GRIN3A: variants seen among roughly 807,000 people sequenced by gnomAD.
The protein encoded by GRIN3A is glutamate ionotropic receptor NMDA type subunit 3A, also known as glutamate receptor ionotropic, NMDA 3A.
A neutral mutation model predicts 92.4 loss-of-function variants in GRIN3A; 47 were observed. The ratio of observed to expected loss-of-function variants is 0.51; its 90% CI spans 0.40 to 0.65. The LOEUF (loss-of-function observed/expected upper bound fraction) is 0.65, where lower values mean the gene tolerates loss of function less well. Ranked by LOEUF, GRIN3A falls within the 30% of genes least tolerant of loss-of-function variation. The probability of loss-of-function intolerance (pLI) is 0.00; values close to 1 mark genes in which losing one functional copy is unlikely to be tolerated. For missense variants in GRIN3A, 1,324 were observed against 1,393.1 expected (o/e 0.95, Z 0.79); for synonymous variants, 527 against 540.6 (o/e 0.97, Z 0.35).
At chr9:101,649,273 C>T (rs1403321957) in intron 3 of GRIN3A, among the ~76,000 whole-genome samples, 2 of 131,144 alleles carry the variant, frequency 1.5e-5, no homozygotes, top group African/African-American at 3.0e-5. Flanking sequence ...GTTTGGGCCT[C>T]CCTGCCTATT....
chr9:101,659,706 C>T (rs1829146420), intron 3 of GRIN3A, among the ~76,000 whole-genome samples: 1 of 151,724 alleles, frequency 6.6e-6, no homozygotes, highest in Admixed American at 6.6e-5. Context: ...AAAAATTTGA[C>T]ATATTCTCTG....
At chr9:101,588,193 A>C (rs868641316) in intron 6 of GRIN3A, among the ~76,000 whole-genome samples, 56 of 152,326 alleles carry the variant, frequency 3.7e-4, no homozygotes, top group African/African-American at 1.3e-3. Flanking sequence ...AATCATGAAG[A>C]GGGAGAAAAA....
chr9:101,723,021 C>T (rs1483517717), intron 1 of GRIN3A, among the ~76,000 whole-genome samples: 5 of 152,140 alleles, frequency 3.3e-5, no homozygotes, highest in Non-Finnish European at 7.3e-5. Flanking sequence ...CAAATCTCAA[C>T]TTGAATTGTA....
At chr9:101,590,279 C>T (rs2118805028) in intron 6 of GRIN3A, among the ~76,000 whole-genome samples, 1 of 152,256 alleles carries the variant, frequency 6.6e-6, no homozygotes, top group South Asian at 2.1e-4. Flanking sequence ...CGGTAGTTGA[C>T]ACGGCAGCAG....
At chr9:101,725,150 G>A (rs1262171069) in intron 1 of GRIN3A, among the ~76,000 whole-genome samples, 1 of 152,196 alleles carries the variant, frequency 6.6e-6, no homozygotes, top group Non-Finnish European at 1.5e-5. Flanking sequence ...CCACAGAAGT[G>A]TTGGGTCATG....
At chr9:101,640,666 C>T (rs1564132930) in intron 3 of GRIN3A, among the ~76,000 whole-genome samples, 1 of 152,054 alleles carries the variant, frequency 6.6e-6, no homozygotes, top group East Asian at 1.9e-4. Flanking sequence ...GGGAGGGACC[C>T]AATGGGAGGT....
At chr9:101,700,119 C>G (rs1010550348) in intron 1 of GRIN3A, among the ~76,000 whole-genome samples, 1 of 152,162 alleles carries the variant, frequency 6.6e-6, no homozygotes, top group Non-Finnish European at 1.5e-5. Flanking sequence ...CATCTCTCTC[C>G]TTCCCTGGAC....
chr9:101,679,814 A>G (rs899881557), intron 2 of GRIN3A, among the ~76,000 whole-genome samples: 2 of 152,206 alleles, frequency 1.3e-5, no homozygotes, highest in Non-Finnish European at 2.9e-5. Context: ...TGTTTAATGC[A>G]ACTGCATTTC....
intron 3 of GRIN3A, among the ~76,000 whole-genome samples, chr9:101,667,684 G>A (rs1376188119): frequency 6.6e-6 from 1 of 152,028 alleles, no homozygotes; most frequent in South Asian, 2.1e-4. Context: ...GGTATAATAA[G>A]AGTACATTCT....
chr9:101,696,024 C>G (rs949290015), intron 1 of GRIN3A, among the ~76,000 whole-genome samples: 6 of 152,164 alleles, frequency 3.9e-5, no homozygotes, highest in African/African-American at 1.4e-4. Context: ...AAGAGAAAGC[C>G]TACCTAGCAT....
At chr9:101,604,517 A>T (rs1828251601) in intron 6 of GRIN3A, among the ~76,000 whole-genome samples, 1 of 152,228 alleles carries the variant, frequency 6.6e-6, no homozygotes, top group Non-Finnish European at 1.5e-5. Flanking sequence ...GAAAGCACTC[A>T]GCTGTCAAGG....
chr9:101,600,047 T>C (rs1828191507), intron 6 of GRIN3A, among the ~76,000 whole-genome samples: 1 of 152,202 alleles, frequency 6.6e-6, no homozygotes, highest in Non-Finnish European at 1.5e-5. Flanking sequence ...TGGTTTTAAA[T>C]CAAAGTTTTG....
chr9:101,619,996 G>C (rs949145892), intron 5 of GRIN3A, among the ~76,000 whole-genome samples: 1 of 152,222 alleles, frequency 6.6e-6, no homozygotes, highest in African/African-American at 2.4e-5. Context: ...GAGTACTCAT[G>C]AAAGGGTTTC....
chr9:101,672,726 A>C (rs1490458111), intron 2 of GRIN3A, among the ~76,000 whole-genome samples: 1 of 152,192 alleles, frequency 6.6e-6, no homozygotes, highest in Non-Finnish European at 1.5e-5. Flanking sequence ...TGCTACTATC[A>C]ATCAATGCAG....
At chr9:101,577,935 G>T in intron 7 of GRIN3A, 91 bp from the exon 8 acceptor site, 1 of 919,156 alleles carries the variant, frequency 1.1e-6, no homozygotes, top group Non-Finnish European at 1.8e-6. Context: ...AGTATATGTA[G>T]TCGTTACAAA....
At chr9:101,645,989 GAATA>G (rs1200304641) in intron 3 of GRIN3A, among the ~76,000 whole-genome samples, 1 of 151,586 alleles carries the variant, frequency 6.6e-6, no homozygotes, top group African/African-American at 2.4e-5. Flanking sequence ...CCTGTTGAAT[GAATA>G]GTTTGCAAAT....
intron 6 of GRIN3A, among the ~76,000 whole-genome samples, chr9:101,582,201 A>G (rs1425062479): frequency 6.6e-6 from 1 of 152,182 alleles, no homozygotes; most frequent in African/African-American, 2.4e-5. Flanking sequence ...TGATTCAGGC[A>G]TAGGGTGCAT....
In GRIN3A at chr9:101,605,995, G is replaced by T. The variant is rs542972581; in HGVS notation, c.2766+7381C>A. Among the ~76,000 whole-genome samples the T allele has an allele frequency of 4.6e-5, 7 of 152,290 alleles. No homozygotes were observed. The South Asian group carries it at 8.3e-4, about 18-fold the overall frequency. The stretch of plus-strand genomic sequence containing the variant: ...GTAATTTTCTCAAGGACATAGAACT[G>T]CCTCCTCCTAGTGATGGGAGAGCCA... On this transcript the variant is annotated intron_variant, in intron 6 of 8. Transcript: ENST00000361820.
chr9:101,725,619 A>G (rs1288377740), intron 1 of GRIN3A, among the ~76,000 whole-genome samples: 4 of 152,240 alleles, frequency 2.6e-5, no homozygotes, highest in Non-Finnish European at 5.9e-5. Flanking sequence ...AGTAGTTGAC[A>G]CTATGGAAAA....
Sources: allele counts gnomAD v4.1 joint callset (sites outside exome capture counted in the v4.1 genomes callset), GRCh38; gene constraint gnomAD v4.1.1; transcripts MANE v1.5; gene names NCBI Gene and HGNC (gene_info 2026-07-23, HGNC 2026-07-21).